Variants in MTOR observed in about 807,000 individuals in gnomAD.
MTOR encodes serine/threonine-protein kinase mTOR.
A neutral mutation model predicts 319.8 loss-of-function variants in MTOR; 70 were observed. The ratio of observed to expected loss-of-function variants is 0.22; its 90% CI spans 0.18 to 0.27. The LOEUF (loss-of-function observed/expected upper bound fraction) is 0.27. Among genes scored for constraint, MTOR ranks in the 10% least tolerant of loss-of-function variants. MTOR has a pLI of 1.00. For synonymous variants in MTOR, 1,183 were observed against 1,211.4 expected, an observed-to-expected ratio of 0.98 and a Z score of 0.49; for missense variants, 1,890 against 3,274.4, an observed-to-expected ratio of 0.58 and a Z score of 10.32.
chr1:11,247,735 TGA>T lies in MTOR; in HGVS notation c.1117-4_1117-3del. ...GCATTTCAGCACCCACTGGCACACC[TGA>T]GAGAGGAAGGATAAAGGGTTGGCAG... On this transcript the variant is annotated splice_region_variant and splice_polypyrimidine_tract_variant and intron_variant, in intron 7 of 57. Transcript: ENST00000361445. 6.2e-7 allele frequency: 1 copy of T among 1,614,150 alleles called. No individual in the cohort carries two copies. The highest frequency in any genetic ancestry group is 1.1e-5 in the South Asian group (1 of 91,084).
intron 8 of MTOR, among the ~76,000 whole-genome samples, chr1:11,245,427 C>T (rs1020257489): frequency 6.6e-6 from 1 of 152,224 alleles, no homozygotes; most frequent in African/African-American, 2.4e-5. Context: ...ATAGCACATG[C>T]TATGACTGCA....
At chr1:11,130,259 G>A (rs1319322935) in intron 39 of MTOR, among the ~76,000 whole-genome samples, 2 of 152,224 alleles carry the variant, frequency 1.3e-5, no homozygotes, top group Non-Finnish European at 2.9e-5. Flanking sequence ...CCCACACACA[G>A]GTGCAGCACG....
At chr1:11,205,160 A>G (rs542293049) in intron 25 of MTOR, among the ~76,000 whole-genome samples, 14 of 152,344 alleles carry the variant, frequency 9.2e-5, no homozygotes, top group Middle Eastern at 3.4e-3. Flanking sequence ...CCCAAAGCAC[A>G]TGGCACTGTG....
At chr1:11,244,583 A>G (rs530207443) in intron 8 of MTOR, among the ~76,000 whole-genome samples, 27 of 152,190 alleles carry the variant, frequency 1.8e-4, no homozygotes, top group African/African-American at 6.0e-4. Context: ...GTGAGCCAAG[A>G]TCGTGCCACT....
intron 3 of MTOR, 59 bp from the exon 4 acceptor site, chr1:11,257,224 G>A (rs1650513832): frequency 4.9e-6 from 7 of 1,437,090 alleles, no homozygotes; most frequent in South Asian, 1.2e-5. Context: ...AGGAAAGTAC[G>A]CAGACTTCAA....
At chr1:11,108,728 A>AG (rs1641704513) in intron 56 of MTOR, among the ~76,000 whole-genome samples, 2 of 149,864 alleles carry the variant, frequency 1.3e-5, no homozygotes, top group East Asian at 4.0e-4. Context: ...AAAAAAAAAA[A>AG]AAGAAAAGAA....
chr1:11,240,067 T>C (rs1431767077), intron 11 of MTOR, among the ~76,000 whole-genome samples: 2 of 152,210 alleles, frequency 1.3e-5, no homozygotes, highest in Non-Finnish European at 2.9e-5. Flanking sequence ...ATTATTTCCT[T>C]GGATCAACGT....
rs1236517577 is a variant in MTOR at position 11,212,513 on chromosome 1, A to G, written c.3399-39T>C. ...TAACATACAGTAACTGCTAACATAC[A>G]ATCTCCAAGGAAGAGACGTGACTGA... On this transcript the variant is annotated intron_variant, in intron 22 of 57. Coordinates refer to ENST00000361445, the MANE Select transcript of MTOR (RefSeq NM_004958.4). This position sits in a 1 kb window ranked among gnomAD's most constrained non-coding sequence, Gnocchi z 4.1. The G allele has an allele frequency of 6.3e-7, 1 of 1,596,988 alleles. No individual in the cohort carries two copies. Among genetic ancestry groups the G allele is most frequent in the East Asian group, 2.2e-5 (1 of 44,770 alleles).
chr1:11,148,928 G>GTATA (rs59193696), intron 31 of MTOR, among the ~76,000 whole-genome samples: 131 of 146,462 alleles, frequency 8.9e-4, no homozygotes, highest in Admixed American at 1.8e-3. Flanking sequence ...GTGTGTGTGT[G>GTATA]TATATATATA....
At chr1:11,210,965 G>A (rs1646293552) in intron 23 of MTOR, 59 bp from the exon 24 acceptor site, 4 of 1,060,526 alleles carry the variant, frequency 3.8e-6, no homozygotes, top group East Asian at 2.4e-5. Flanking sequence ...AGAAAAAGTA[G>A]AGGAAAAAAT....
intron 19 of MTOR, among the ~76,000 whole-genome samples, chr1:11,223,128 G>A (rs1435631819): frequency 6.7e-6 from 1 of 149,796 alleles, no homozygotes. Context: ...TCCAGTATGA[G>A]AAACAGGACA....
chr1:11,122,214 T>TC, intron 47 of MTOR, 88 bp from the exon 48 acceptor site: 4 of 1,508,518 alleles, frequency 2.7e-6, no homozygotes, highest in Non-Finnish European at 3.6e-6. Context: ...GTTTTTTTTT[T>TC]CTTTTTTGAG....
chr1:11,193,395 C>T (rs1025238069), intron 28 of MTOR, among the ~76,000 whole-genome samples: 3 of 152,122 alleles, frequency 2.0e-5, no homozygotes, highest in African/African-American at 7.2e-5. Context: ...TCTTCCAGAG[C>T]AATGCACCAC....
chr1:11,166,415 C>T (rs919140376), intron 29 of MTOR, among the ~76,000 whole-genome samples: 2 of 152,160 alleles, frequency 1.3e-5, no homozygotes, highest in South Asian at 2.1e-4. Context: ...AATCAAACAA[C>T]CCCATCAAAA....
At chr1:11,144,552 C>A in intron 34 of MTOR, 96 bp downstream of exon 34, 1 of 989,022 alleles carries the variant, frequency 1.0e-6, no homozygotes, top group East Asian at 2.4e-5. Context: ...GCAGGAAAAG[C>A]AAGTTGAGTA....
In MTOR at chr1:11,115,423, C is replaced by T. The variant is rs766612162; in HGVS notation, c.7062G>A (p.Leu2354=). 4 of 1,614,076 alleles carry T rather than the reference C, an allele frequency of 2.5e-6. No individual in the cohort carries two copies. The African/African-American group carries it at 5.3e-5, about 22-fold the overall frequency. The change falls in exon 51 of 58, where the codon CTG becomes CTA. Residue 2354 remains leucine (L), a synonymous_variant. Transcript: ENST00000361445. This position sits in a 1 kb window ranked among gnomAD's most constrained non-coding sequence, Gnocchi z 4.5. ...LMLDRLSGKI[L]HIDFGDCFEV... ...CAAAGCAGTCCCCAAAGTCAATGTGCAGGATCTTCCCACTCAGACGGTCCA... is the reference window on the plus strand; with the variant it reads ...CAAAGCAGTCCCCAAAGTCAATGTGTAGGATCTTCCCACTCAGACGGTCCA...
intron 8 of MTOR, among the ~76,000 whole-genome samples, chr1:11,244,526 A>G (rs6672513): frequency 0.65 from 97,546 of 149,904 alleles, 33,699 homozygotes; most frequent in East Asian, 0.91. Flanking sequence ...AGCTACTCGG[A>G]AGGCTGACGC....
At chr1:11,232,576 T>C in intron 15 of MTOR, 48 bp from the exon 16 acceptor site, 2 of 1,542,290 alleles carry the variant, frequency 1.3e-6, no homozygotes, top group South Asian at 1.1e-5. Flanking sequence ...AATTCTGGCA[T>C]TAGAAAGTAT....
chr1:11,114,168 T>C (rs1642040746), intron 53 of MTOR, 150 bp downstream of exon 53: 1 of 849,618 alleles, frequency 1.2e-6, no homozygotes. Context: ...CCTAATTTTT[T>C]CAGTTTTTGC....
Sources: allele counts gnomAD v4.1 joint callset (sites outside exome capture counted in the v4.1 genomes callset), GRCh38; gene constraint gnomAD v4.1.1; non-coding constraint Gnocchi (gnomAD v3.1); transcripts MANE v1.5; gene names NCBI Gene and HGNC (gene_info 2026-07-23, HGNC 2026-07-21).